The following DACH1 variants were observed in gnomAD, a reference collection of about 807,000 sequenced individuals.
The protein encoded by DACH1 is dachshund family transcription factor 1, also known as dachshund homolog 1.
In DACH1, 12 loss-of-function variants were observed where a neutral mutation model predicts 54.2. The ratio of observed to expected loss-of-function variants is 0.22; its 90% CI spans 0.14 to 0.36. The LOEUF is 0.36. Among genes scored for constraint, DACH1 ranks in the 10% least tolerant of loss-of-function variants. DACH1 has a pLI of 1.00. For missense variants in DACH1, 805 were observed against 929.8 expected (o/e 0.87, Z 1.75); for synonymous variants, 386 against 366.2 (o/e 1.05, Z -0.62).
At chr13:71,633,967 CTTCCTTTTTTTTTTT>C (rs1167163989) in intron 2 of DACH1, among the ~76,000 whole-genome samples, 1 of 141,278 alleles carries the variant, frequency 7.1e-6, no homozygotes, top group African/African-American at 2.8e-5. Flanking sequence ...TTTCTTTTTT[CTTCCTTTTTTTTTTT>C]TTTCTTTTGA....
chr13:71,642,327 T>C (rs1877967096), intron 2 of DACH1, among the ~76,000 whole-genome samples: 1 of 152,218 alleles, frequency 6.6e-6, no homozygotes, highest in African/African-American at 2.4e-5. Flanking sequence ...TGTCAATTAG[T>C]AATTTAAATA....
intron 1 of DACH1, among the ~76,000 whole-genome samples, chr13:71,791,037 C>A (rs1886808175): frequency 6.6e-6 from 1 of 152,170 alleles, no homozygotes; most frequent in Non-Finnish European, 1.5e-5. Context: ...AGTAACGAAA[C>A]AGCTGACTGA....
chr13:71,757,194 T>C (rs1885202131), intron 1 of DACH1, among the ~76,000 whole-genome samples: 2 of 152,188 alleles, frequency 1.3e-5, no homozygotes, highest in African/African-American at 4.8e-5. Context: ...CAATTAAATG[T>C]TAAAATATCA....
chr13:71,709,755 T>C (rs1882622097), intron 1 of DACH1, among the ~76,000 whole-genome samples: 1 of 152,216 alleles, frequency 6.6e-6, no homozygotes, highest in Admixed American at 6.5e-5. Flanking sequence ...AGTTGGGTAC[T>C]GTCCGCCATT....
intron 6 of DACH1, among the ~76,000 whole-genome samples, chr13:71,537,502 C>G (rs1298858974): frequency 6.6e-6 from 1 of 152,050 alleles, no homozygotes; most frequent in Non-Finnish European, 1.5e-5. Context: ...CTTCCAGCAG[C>G]TAGAACAGTG....
intron 10 of DACH1, among the ~76,000 whole-genome samples, chr13:71,467,133 G>A (rs1026989485): frequency 2.6e-5 from 4 of 151,406 alleles, no homozygotes; most frequent in Non-Finnish European, 5.9e-5. Context: ...TCTATATCAC[G>A]TATAGTTTAA....
chr13:71,823,186 G>C (rs1323697796), intron 1 of DACH1, among the ~76,000 whole-genome samples: 1 of 151,812 alleles, frequency 6.6e-6, no homozygotes, highest in Non-Finnish European at 1.5e-5. Flanking sequence ...TCATTAAAAT[G>C]CCCCCTTTTG....
intron 3 of DACH1, among the ~76,000 whole-genome samples, chr13:71,627,197 T>C (rs2138559394): frequency 6.6e-6 from 1 of 152,094 alleles, no homozygotes; most frequent in Middle Eastern, 3.4e-3. Flanking sequence ...GTTCCTATTA[T>C]GAACCGGGAA....
intron 6 of DACH1, among the ~76,000 whole-genome samples, chr13:71,512,871 A>T (rs1401721758): frequency 1.3e-5 from 2 of 151,904 alleles, no homozygotes; most frequent in African/African-American, 4.8e-5. Context: ...TTGGAAGAAA[A>T]TCTAGAAGAA....
chr13:71,673,020 T>C (rs1434730826), intron 2 of DACH1, among the ~76,000 whole-genome samples: 1 of 152,144 alleles, frequency 6.6e-6, no homozygotes, highest in Non-Finnish European at 1.5e-5. Flanking sequence ...GCAACTTCAT[T>C]ATGGGAAATC....
intron 1 of DACH1, among the ~76,000 whole-genome samples, chr13:71,694,538 T>C (rs922831381): frequency 1.2e-4 from 19 of 152,242 alleles, no homozygotes; most frequent in African/African-American, 4.3e-4. Context: ...TGAAGCATTT[T>C]CTTTAATAAA....
chr13:71,610,537 A>G (rs1478351785), intron 3 of DACH1, among the ~76,000 whole-genome samples: 1 of 152,230 alleles, frequency 6.6e-6, no homozygotes, highest in Non-Finnish European at 1.5e-5. Flanking sequence ...ATCTGCATAA[A>G]TCACAGAGAC....
intron 1 of DACH1, among the ~76,000 whole-genome samples, chr13:71,831,695 A>G (rs1422985097): frequency 6.6e-6 from 1 of 152,020 alleles, no homozygotes; most frequent in East Asian, 1.9e-4. Flanking sequence ...TAATTTAAGT[A>G]CTTTCTGATT....
chr13:71,579,679 C>T (rs1478871240), intron 3 of DACH1, among the ~76,000 whole-genome samples: 2 of 151,974 alleles, frequency 1.3e-5, no homozygotes, highest in Non-Finnish European at 2.9e-5. Flanking sequence ...AATAACAATG[C>T]TTCATGTATT....
At chr13:71,730,490 CAA>C (rs1424994382) in intron 1 of DACH1, among the ~76,000 whole-genome samples, 5 of 152,098 alleles carry the variant, frequency 3.3e-5, no homozygotes, top group East Asian at 1.9e-4. Context: ...GTCATGCACG[CAA>C]AGTCAAAAAA....
chr13:71,594,177 A>G (rs865790463), intron 3 of DACH1, among the ~76,000 whole-genome samples: 1 of 151,542 alleles, frequency 6.6e-6, no homozygotes. Flanking sequence ...ATATAAAAAA[A>G]TTTTTAGAAA....
chr13:71,689,189 G>A (rs892843302), intron 1 of DACH1, among the ~76,000 whole-genome samples: 2 of 152,108 alleles, frequency 1.3e-5, no homozygotes, highest in African/African-American at 4.8e-5. Context: ...ATGTCATAGG[G>A]CACATGAGAA....
At chr13:71,575,537 A>G (rs974084188) in intron 3 of DACH1, among the ~76,000 whole-genome samples, 1 of 152,082 alleles carries the variant, frequency 6.6e-6, no homozygotes, top group Non-Finnish European at 1.5e-5. Context: ...TCATATCAGT[A>G]GAGATGCACA....
At chr13:71,859,733 A>G (rs914361424) in intron 1 of DACH1, among the ~76,000 whole-genome samples, 1 of 151,904 alleles carries the variant, frequency 6.6e-6, no homozygotes, top group African/African-American at 2.4e-5. Context: ...TATCCTTGGT[A>G]TTCTTGTTTT....
Sources: gnomAD v4.1 joint callset for allele counts (sites outside exome capture counted in the v4.1 genomes callset) on GRCh38, gnomAD v4.1.1 for gene constraint, MANE v1.5 for transcripts, NCBI Gene and HGNC (gene_info 2026-07-23, HGNC 2026-07-21) for gene names.